Variants in STAG1 observed in about 807,000 individuals in gnomAD.
STAG1 encodes the protein cohesin subunit SA-1.
A neutral mutation model predicts 170.9 loss-of-function variants in STAG1; 26 were observed. The observed-to-expected ratio is 0.15, with a 90% confidence interval of 0.11 to 0.21. The LOEUF is 0.21. Ranked by LOEUF, STAG1 falls within the 10% of genes least tolerant of loss-of-function variation. STAG1 has a pLI of 1.00. For synonymous variants in STAG1, 514 were observed against 497.7 expected (o/e 1.03, Z -0.44); for missense variants, 964 against 1,509.5 (o/e 0.64, Z 5.99).
intron 3 of STAG1, among the ~76,000 whole-genome samples, chr3:136,607,520 A>G (rs999707188): frequency 2.0e-5 from 3 of 152,162 alleles, no homozygotes; most frequent in African/African-American, 7.2e-5. Context: ...CTTCTGCCTC[A>G]GCCTCCTGAG....
At chr3:136,498,197 AAAAAAAAAAAAATTATATATATAT>A (rs1439650955) in intron 9 of STAG1, among the ~76,000 whole-genome samples, 2 of 58,684 alleles carry the variant, frequency 3.4e-5, no homozygotes, top group African/African-American at 1.1e-4. Context: ...CATCTTAAAA[AAAAAAAAAAAAATTATATATATAT>A]ATATATATAT....
chr3:136,487,423 C>T (rs1000462430), intron 9 of STAG1, among the ~76,000 whole-genome samples: 4 of 152,144 alleles, frequency 2.6e-5, no homozygotes, highest in Admixed American at 2.0e-4. Context: ...TATTTTCATA[C>T]CACATGTTTT....
At chr3:136,706,479 C>G (rs1220627241) in intron 1 of STAG1, among the ~76,000 whole-genome samples, 1 of 151,954 alleles carries the variant, frequency 6.6e-6, no homozygotes, top group Non-Finnish European at 1.5e-5. Flanking sequence ...ATGATAACAT[C>G]CAAAAATTAA....
intron 22 of STAG1, among the ~76,000 whole-genome samples, chr3:136,396,220 T>TG (rs2087149818): frequency 6.9e-6 from 1 of 144,588 alleles, no homozygotes; most frequent in Admixed American, 6.9e-5. Context: ...TTTTTTTTTT[T>TG]TTTTTTTTTT....
At chr3:136,528,050 G>T (rs1363579162) in intron 6 of STAG1, among the ~76,000 whole-genome samples, 1 of 152,190 alleles carries the variant, frequency 6.6e-6, no homozygotes, top group Non-Finnish European at 1.5e-5. Context: ...ACCTGAGGAG[G>T]CAGTCTGTCT....
intron 4 of STAG1, among the ~76,000 whole-genome samples, chr3:136,590,850 G>A (rs1379841212): frequency 6.6e-6 from 1 of 152,088 alleles, no homozygotes; most frequent in Non-Finnish European, 1.5e-5. Flanking sequence ...TATGTGCCCT[G>A]GTTTGACAGT....
rs1273710590 is a variant in STAG1 at position 136,472,398 on chromosome 3, A to G, written c.1205+15T>C. On this transcript the variant is annotated intron_variant, in intron 12 of 33. Coordinates refer to ENST00000383202, the MANE Select transcript of STAG1 (RefSeq NM_005862.3). ...AAATATCAATAAAGTTAAAATAGTA[A>G]TGGATATTACTTACTGAAGTATCAG... 6.3e-7 allele frequency: 1 copy of G among 1,583,758 alleles called. No homozygotes were observed. Among genetic ancestry groups the G allele is most frequent in the African/African-American group, 1.3e-5 (1 of 74,152 alleles).
intron 5 of STAG1, among the ~76,000 whole-genome samples, chr3:136,546,060 AT>A (rs1234594224): frequency 1.3e-5 from 2 of 152,190 alleles, no homozygotes; most frequent in Non-Finnish European, 2.9e-5. Context: ...AGAATATCAA[AT>A]TGTAGAGCTT....
chr3:136,468,178 G>C (rs1307058009), intron 12 of STAG1, among the ~76,000 whole-genome samples: 1 of 152,092 alleles, frequency 6.6e-6, no homozygotes, highest in African/African-American at 2.4e-5. Flanking sequence ...GAAGGAGATA[G>C]AGACACAAAA....
chr3:136,564,692 G>A (rs535269823), intron 5 of STAG1, among the ~76,000 whole-genome samples: 1 of 151,956 alleles, frequency 6.6e-6, no homozygotes, highest in South Asian at 2.1e-4. Context: ...TGTCTTTTCA[G>A]GAACTGTAAA....
chr3:136,383,903 C>T (rs911361158), intron 22 of STAG1, among the ~76,000 whole-genome samples: 10 of 145,100 alleles, frequency 6.9e-5, no homozygotes, highest in African/African-American at 2.3e-4. Context: ...TGCAGTGAGC[C>T]GAGATCGCAC....
intron 6 of STAG1, among the ~76,000 whole-genome samples, chr3:136,541,336 A>C (rs987184375): frequency 3.9e-5 from 6 of 152,138 alleles, no homozygotes; most frequent in Admixed American, 1.3e-4. Context: ...ACATAATATA[A>C]ATTCATTTCA....
intron 29 of STAG1, among the ~76,000 whole-genome samples, chr3:136,344,211 C>G (rs1355053227): frequency 6.6e-6 from 1 of 152,192 alleles, no homozygotes; most frequent in Non-Finnish European, 1.5e-5. Context: ...GATGCATTAC[C>G]TAACCTCACG....
At chr3:136,622,137 A>T (rs1368229396) in intron 3 of STAG1, among the ~76,000 whole-genome samples, 4 of 38,834 alleles carry the variant, frequency 1.0e-4, no homozygotes, top group Admixed American at 9.4e-4. Flanking sequence ...ATCTCTACTA[A>T]AAAAAAAAAA....
intron 9 of STAG1, among the ~76,000 whole-genome samples, chr3:136,479,273 T>A (rs1380404491): frequency 2.5e-5 from 3 of 120,286 alleles, no homozygotes; most frequent in African/African-American, 9.3e-5. Context: ...TTCCCCTTCC[T>A]GTGTCCTTGT....
intron 21 of STAG1, among the ~76,000 whole-genome samples, chr3:136,406,105 CTTAA>C (rs750504969): frequency 3.9e-4 from 59 of 152,242 alleles, no homozygotes; most frequent in Admixed American, 3.1e-3. Context: ...TCATGACAGA[CTTAA>C]TTGTGATAGC....
intron 6 of STAG1, among the ~76,000 whole-genome samples, chr3:136,541,211 A>G (rs1421583182): frequency 6.6e-6 from 1 of 152,156 alleles, no homozygotes; most frequent in Admixed American, 6.5e-5. Flanking sequence ...GCAGACCTAG[A>G]AAACAACCAA....
At chr3:136,633,710 A>AAGGGGGGGG (rs1491192814) in intron 1 of STAG1, among the ~76,000 whole-genome samples, 1 of 44,808 alleles carries the variant, frequency 2.2e-5, no homozygotes, top group Non-Finnish European at 3.9e-5. Context: ...TCAAAAAAAA[A>AAGGGGGGGG]GGGGGGGGGG....
intron 7 of STAG1, among the ~76,000 whole-genome samples, chr3:136,504,273 T>C (rs1360906618): frequency 6.6e-6 from 1 of 152,142 alleles, no homozygotes; most frequent in Admixed American, 6.6e-5. Flanking sequence ...GTGTTTAAGT[T>C]AGTGACCATT....
Sources: allele counts gnomAD v4.1 joint callset (sites outside exome capture counted in the v4.1 genomes callset), GRCh38; gene constraint gnomAD v4.1.1; transcripts MANE v1.5; gene names NCBI Gene and HGNC (gene_info 2026-07-23, HGNC 2026-07-21).